Variants in POLL observed in about 807,000 individuals in gnomAD.
POLL encodes the protein DNA polymerase beta-2.
Under a neutral mutation model 58.1 loss-of-function variants are expected in POLL, and 44 were observed. That is an observed-to-expected ratio of 0.76 (90% CI 0.60 to 0.97). The LOEUF is 0.97. Among genes scored for constraint, POLL ranks in the 50% least tolerant of loss-of-function variants. The pLI is 0.00. For synonymous variants in POLL, 290 were observed against 283.2 expected (o/e 1.02, Z -0.24); for missense variants, 632 against 736.8 (o/e 0.86, Z 1.65).
chr10:101,588,111 A>AAGAGTCTCTCCAACCCCC lies in POLL; in HGVS notation c.-354_-337dup. On this transcript the variant is annotated 5_prime_UTR_variant, in exon 1 of 9. Coordinates refer to ENST00000370162, the MANE Select transcript of POLL (RefSeq NM_001174084.2). The stretch of plus-strand genomic sequence containing the variant: ...AGCTGGAGTGCCCGACCCCGGCCCC[A>AAGAGTCTCTCCAACCCCC]AGAGTCTCTCCAACCCCCAGAGTCG... 6.6e-7 allele frequency: 1 copy of AAGAGTCTCTCCAACCCCC among 1,512,214 alleles called. No individual in the cohort carries two copies. Among genetic ancestry groups the AAGAGTCTCTCCAACCCCC allele is most frequent in the South Asian group, 1.2e-5 (1 of 82,722 alleles). 93.7% of individuals were successfully genotyped at this position (1,512,214 alleles called of 1,614,324 possible).
Position 101,585,377 on chromosome 10 carries a change from G to A in POLL, c.512C>T (p.Pro171Leu). The A allele has an allele frequency of 6.2e-7, 1 of 1,606,936 alleles. No homozygotes were observed. Among genetic ancestry groups the A allele is most frequent in the Middle Eastern group, 1.7e-4 (1 of 6,002 alleles). The change falls in exon 4 of 9, where the codon CCT (proline) becomes CTT (leucine). Residue 171 changes from proline to leucine, a missense_variant. Pro to Leu is a moderately conservative substitution (Grantham distance 98). Transcript: ENST00000370162. ...GGGAGGAGACACAGGCCTGGTGGGAGGAGGAGGAGGAGAAAGGGCTGTCTG... is the reference window on the plus strand; with the variant it reads ...GGGAGGAGACACAGGCCTGGTGGGAAGAGGAGGAGGAGAAAGGGCTGTCTG... ...LLQTALSPPP[P>L]PTRPVSPPQK...
intron 4 of POLL, 69 bp downstream of exon 4, chr10:101,585,247 C>G (rs950179741): frequency 1.1e-5 from 15 of 1,382,884 alleles, no homozygotes; most frequent in African/African-American, 1.5e-5. Context: ...GAACAGCCAC[C>G]AGGCCCACCC....
Position 101,588,129 on chromosome 10 carries a change from C to T in POLL, c.-354G>A. 3 of 1,515,934 alleles carry T rather than the reference C, an allele frequency of 2.0e-6. No individual in the cohort carries two copies. The highest frequency in any genetic ancestry group is 2.6e-6 in the Non-Finnish European group (3 of 1,134,180). The allele number at this position is 1,515,934 out of a possible 1,614,324, so 93.9% of individuals were successfully genotyped here. On this transcript the variant is annotated 5_prime_UTR_variant, in exon 1 of 9. Transcript: ENST00000370162. ...CGGCCCCAAGAGTCTCTCCAACCCCCAGAGTCGGTCCCCGGGTGGGGTCGA... is the reference window on the plus strand; with the variant it reads ...CGGCCCCAAGAGTCTCTCCAACCCCTAGAGTCGGTCCCCGGGTGGGGTCGA...
chr10:101,586,181 TACTGTTGTA>T (rs1243515000), intron 2 of POLL, 25 bp from the exon 3 acceptor site: 1 of 1,582,024 alleles, frequency 6.3e-7, no homozygotes, highest in Non-Finnish European at 8.6e-7. Flanking sequence ...TCCAGATGAC[TACTGTTGTA>T]ACTTTTTAAT....
intron 5 of POLL, 81 bp downstream of exon 5, chr10:101,584,521 T>G: frequency 1.0e-6 from 1 of 999,100 alleles, no homozygotes; most frequent in Non-Finnish European, 1.4e-6. Context: ...CATAAAATCT[T>G]CACCACTGTA....
chr10:101,587,084 C>T, intron 2 of POLL, 162 bp downstream of exon 2: 2 of 1,526,686 alleles, frequency 1.3e-6, no homozygotes, highest in Non-Finnish European at 1.8e-6. Context: ...TGTCCAAGAC[C>T]CAGGACCAAG....
Position 101,587,904 on chromosome 10 carries a change from T to G in POLL, c.-129A>C. On this transcript the variant is annotated 5_prime_UTR_variant, in exon 1 of 9. Coordinates refer to ENST00000370162, the MANE Select transcript of POLL (RefSeq NM_001174084.2). Reference sequence around the variant, plus strand: ...CTGCACCTGTCCTGGTCTCAGCCTCTCGACATGGGGGTGCTCAGCGCCGCA... The same window carrying G: ...CTGCACCTGTCCTGGTCTCAGCCTCGCGACATGGGGGTGCTCAGCGCCGCA... 8.3e-7 allele frequency: 1 copy of G among 1,204,418 alleles called. No homozygotes were observed. Among genetic ancestry groups the G allele is most frequent in the Non-Finnish European group, 1.1e-6 (1 of 949,142 alleles). 74.6% of individuals were successfully genotyped at this position (1,204,418 alleles called of 1,614,324 possible). A position where few individuals can be genotyped will look rare whatever the true frequency, so the allele number is the denominator to read the frequency against.
chr10:101,580,336 A>G lies in POLL; in HGVS notation c.1275T>C (p.Cys425=), dbSNP rs767264177. The G allele has an allele frequency of 5.6e-6, 9 of 1,613,906 alleles. No homozygotes were observed. Among genetic ancestry groups the G allele is most frequent in the Non-Finnish European group, 7.6e-6 (9 of 1,179,960 alleles). The part of the protein sequence containing the change: ...CGSYRRGKAT[C]GDVDVLITHP... The stretch of plus-strand genomic sequence containing the variant: ...GAGTGATGAGCACGTCGACATCACC[A>G]CAGGTCGCCTTTCCCCGTCGGTATG... The change falls in exon 8 of 9, where the codon TGT becomes TGC. Residue 425 remains cysteine, a synonymous_variant. Coordinates refer to ENST00000370162, the MANE Select transcript of POLL (RefSeq NM_001174084.2). The surrounding 1 kb of genome is among the most constrained non-coding windows in gnomAD (Gnocchi z 4.1).
rs142726673 is a variant in POLL at position 101,583,666 on chromosome 10, G to A, written c.907C>T (p.Pro303Ser). Residue 303 changes from proline to serine, a missense_variant, in exon 6 of 9, where the codon CCT becomes TCT. Transcript: ENST00000370162. ...VTSYQEACSI[P>S]GIGKRMAEKI... ...TCAGCCATCCGCTTCCCAATCCCAG[G>A]GATACTGCAGGCCTCCTAGAGGAGG... The A allele has an allele frequency of 1.2e-3, 1,857 of 1,614,094 alleles. 1 individual carries two copies. The highest frequency in any genetic ancestry group is 1.4e-3 in the Non-Finnish European group (1,623 of 1,180,008).
intron 4 of POLL, 28 bp from the exon 5 acceptor site, chr10:101,584,947 T>A: frequency 7.6e-7 from 1 of 1,316,682 alleles, no homozygotes; most frequent in Non-Finnish European, 9.8e-7. Flanking sequence ...AAGAAAACAA[T>A]AAATTCTTGT....
rs2134554722 is a variant in POLL, at chr10:101,579,919, A to G, written c.1364-102T>C. 3.7e-6 allele frequency: 5 copies of G among 1,355,478 alleles called. No individual in the cohort carries two copies. In the East Asian group the frequency reaches 9.6e-5, roughly 26 times the overall value. The allele number at this position is 1,355,478 out of a possible 1,614,324, so 84.0% of individuals were successfully genotyped here. On this transcript the variant is annotated intron_variant, in intron 8 of 8. Transcript: ENST00000370162. This position sits in a 1 kb window ranked among gnomAD's most constrained non-coding sequence, Gnocchi z 4.4. Reference sequence around the variant, plus strand: ...TGTCTAAGCTGGGGCTTGCCCAGGTATTAGCTGGGTGACACTACCCTCTCT... The same window carrying G: ...TGTCTAAGCTGGGGCTTGCCCAGGTGTTAGCTGGGTGACACTACCCTCTCT...
At chr10:101,587,476 A>C in intron 1 of POLL, 70 bp from the exon 2 acceptor site, 1 of 1,321,018 alleles carries the variant, frequency 7.6e-7, no homozygotes, top group Non-Finnish European at 1.0e-6. Flanking sequence ...TTTCCTGACC[A>C]GGCTTTGGGG....
At chr10:101,583,021 C>T (rs1451365134) in intron 6 of POLL, 130 bp from the exon 7 acceptor site, 2 of 1,042,660 alleles carry the variant, frequency 1.9e-6, no homozygotes, top group Admixed American at 3.9e-5. Context: ...AACCTAGGGG[C>T]AGTTGGGTCT....
chr10:101,579,643 T>G lies in POLL; in HGVS notation c.1538A>C (p.Asn513Thr). The G allele has an allele frequency of 1.2e-6, 2 of 1,613,604 alleles. No homozygotes were observed. Among genetic ancestry groups the G allele is most frequent in the East Asian group, 4.5e-5 (2 of 44,818 alleles). Residue 513 changes from asparagine (N) to threonine (T), a missense_variant, in exon 9 of 9, where the codon AAC (asparagine) becomes ACC (threonine). Transcript: ENST00000370162. The surrounding 1 kb of genome is among the most constrained non-coding windows in gnomAD (Gnocchi z 4.4). ...LLYFTGSAHF[N>T]RSMRALAKTK... ...TTTGGCCAGGGCTCGCATGGAGCGG[T>G]TGAAGTGTGCAGAGCCGGTGAAGTA...
At position 101,580,764 on chromosome 10, in the gene POLL, G is replaced by A; in HGVS notation, c.1195-348C>T. 4.8e-6 allele frequency: 1 copy of A among 207,984 alleles called. No homozygotes were observed. Among genetic ancestry groups the A allele is most frequent in the Non-Finnish European group, 9.6e-6 (1 of 104,262 alleles). The allele number at this position is 207,984 out of a possible 1,614,324, so 12.9% of individuals were successfully genotyped here. On this transcript the variant is annotated intron_variant, in intron 7 of 8. Coordinates refer to ENST00000370162, the MANE Select transcript of POLL (RefSeq NM_001174084.2). The surrounding 1 kb of genome is among the most constrained non-coding windows in gnomAD (Gnocchi z 4.1). ...CCCCAGCCCACGTGCCCAGGTCTGT[G>A]AAACTCCACTTAGGACAAGGGGCCA...
Position 101,588,224 on chromosome 10 carries a change from G to A in POLL, c.-449C>T, listed in dbSNP as rs753892532. 1.4e-5 allele frequency: 22 copies of A among 1,547,464 alleles called. No individual in the cohort carries two copies. The highest frequency in any genetic ancestry group is 1.9e-5 in the Non-Finnish European group (22 of 1,146,392). On this transcript the variant is annotated 5_prime_UTR_variant, in exon 1 of 9. Transcript: ENST00000370162. ...CTTACCAGCAGAGCCAATGAGAGCG[G>A]ACGAAGGGGGGAAGGAGGGCAAATG...
chr10:101,584,495 T>C, intron 5 of POLL, 107 bp downstream of exon 5: 2 of 674,666 alleles, frequency 3.0e-6, no homozygotes, highest in Non-Finnish European at 2.2e-6. Context: ...TTTTCTTTTG[T>C]GCAAGTCCTA....
intron 2 of POLL, chr10:101,587,014 G>A (rs2063395707): frequency 1.4e-6 from 1 of 735,196 alleles, no homozygotes. Flanking sequence ...AGGGCCCAGG[G>A]AGTCTTTTCT....
Position 101,586,033 on chromosome 10 carries a change from A to G in POLL, c.239T>C (p.Val80Ala). ...GQLCPAQGPG[V>A]THIVVDEGMD... ...GCCTTCATCCACCACAATGTGAGTG[A>G]CACCTGGGCCCTGGGCAGGGCATAG... Residue 80 changes from valine (V) to alanine (A), a missense_variant, in exon 3 of 9, where the codon GTC (valine) becomes GCC (alanine). Transcript: ENST00000370162. The G allele has an allele frequency of 6.2e-7, 1 of 1,614,110 alleles. No homozygotes were observed.
Sources: gnomAD v4.1 joint callset for allele counts on GRCh38, gnomAD v4.1.1 for gene constraint, Gnocchi (gnomAD v3.1) non-coding constraint, MANE v1.5 for transcripts, NCBI Gene and HGNC (gene_info 2026-07-23, HGNC 2026-07-21) for gene names.